The following MROH1 variants were observed in gnomAD, a reference collection of about 807,000 sequenced individuals.
The protein encoded by MROH1 is maestro heat-like repeat-containing protein family member 1.
Under a neutral mutation model 116.5 loss-of-function variants are expected in MROH1, and 117 were observed. The observed-to-expected ratio is 1.00, with a 90% confidence interval of 0.86 to 1.17. MROH1 has a LOEUF of 1.17. Ranked by LOEUF, MROH1 falls within the 50% of genes most tolerant of loss-of-function variation. The pLI is 0.00. For missense variants in MROH1, 1,873 were observed against 1,338.5 expected (o/e 1.40, Z -6.23); for synonymous variants, 921 against 583.9 (o/e 1.58, Z -8.32).
chr8:144,175,399 C>A, intron 4 of MROH1: 1 of 738,408 alleles, frequency 1.4e-6, no homozygotes, highest in Non-Finnish European at 1.7e-6. Context: ...TGCCCACTTG[C>A]TGTACCCAAG....
chr8:144,218,487 CAT>C (rs1435083129), intron 12 of MROH1, among the ~76,000 whole-genome samples: 1 of 151,780 alleles, frequency 6.6e-6, no homozygotes, highest in Non-Finnish European at 1.5e-5. Flanking sequence ...TTTTTTTTCA[CAT>C]CTTTCGTCTT....
At position 144,247,379 on chromosome 8, in the gene MROH1, C is replaced by G. The variant is rs1334009564; in HGVS notation, c.2950C>G (p.Arg984Gly). The G allele has an allele frequency of 1.3e-6, 1 of 771,206 alleles. No individual in the cohort carries two copies. Among genetic ancestry groups the G allele is most frequent in the Non-Finnish European group, 2.4e-6 (1 of 414,026 alleles). The allele number at this position is 771,206 out of a possible 1,614,324, so 47.8% of individuals were successfully genotyped here. The change falls in exon 30 of 44, where the codon CGC becomes GGC. Residue 984 changes from arginine to glycine, a missense_variant. Coordinates refer to ENST00000326134, the MANE Select transcript of MROH1 (RefSeq NM_032450.3). ...PRCADLWPATRQEAVDCVYSL... is the reference protein window; with the variant it reads ...PRCADLWPATGQEAVDCVYSL... Reference sequence around the variant, plus strand: ...GTGTGCGGACCTGTGGCCTGCCACCCGCCAGGAGGCCGTGGACTGTGTCTA... The same window carrying G: ...GTGTGCGGACCTGTGGCCTGCCACCGGCCAGGAGGCCGTGGACTGTGTCTA...
chr8:144,229,107 A>G (rs958929768), intron 14 of MROH1, among the ~76,000 whole-genome samples: 11 of 152,138 alleles, frequency 7.2e-5, no homozygotes, highest in African/African-American at 2.4e-4. Context: ...TTCAGGCTCC[A>G]TTTCCAATTC....
At chr8:144,260,454 C>T (rs1844818088) in intron 39 of MROH1, 80 bp downstream of exon 39, 1 of 698,366 alleles carries the variant, frequency 1.4e-6, no homozygotes, top group Non-Finnish European at 2.6e-6. Flanking sequence ...CCCAGCCCCA[C>T]CCTCCTCCCT....
At chr8:144,220,987 T>C (rs764969835) in intron 13 of MROH1, among the ~76,000 whole-genome samples, 1 of 152,146 alleles carries the variant, frequency 6.6e-6, no homozygotes, top group Non-Finnish European at 1.5e-5. Context: ...CTCGCGGTGA[T>C]TGCAGCAAAA....
At chr8:144,166,016 C>CA in intron 3 of MROH1, among the ~76,000 whole-genome samples, 1 of 152,120 alleles carries the variant, frequency 6.6e-6, no homozygotes, top group South Asian at 2.1e-4. Flanking sequence ...GTAGCTGGGA[C>CA]TATAGGTACC....
At chr8:144,256,307 A>G (rs2129688879) in intron 35 of MROH1, among the ~76,000 whole-genome samples, 1 of 152,134 alleles carries the variant, frequency 6.6e-6, no homozygotes, top group East Asian at 1.9e-4. Flanking sequence ...GCACCTGCCC[A>G]GGAGGGCTCT....
chr8:144,252,766 G>A (rs1427956548), intron 33 of MROH1: 3 of 150,968 alleles, frequency 2.0e-5, no homozygotes, highest in Non-Finnish European at 4.4e-5. Context: ...AGACCAGCCT[G>A]ACCAACGTGG....
In MROH1 at chr8:144,151,530, C is replaced by T. The variant is rs1029608293; in HGVS notation, c.-177+3454C>T. ...ATCTCCTTTCTGGCTCCCCCATTGGCTGAGAGCTGCTTCCACTCAATAGAA... is the reference window on the plus strand; with the variant it reads ...ATCTCCTTTCTGGCTCCCCCATTGGTTGAGAGCTGCTTCCACTCAATAGAA... On this transcript the variant is annotated intron_variant, in intron 1 of 43. Transcript: ENST00000326134. 3.5e-3 allele frequency among the ~76,000 whole-genome samples: 535 copies of T among 152,310 alleles called. 2 individuals are homozygous for T. The highest frequency in any genetic ancestry group is 6.9e-3 in the Admixed American group (105 of 15,294).
chr8:144,166,962 G>A (rs961551081), intron 3 of MROH1, among the ~76,000 whole-genome samples: 3 of 152,164 alleles, frequency 2.0e-5, no homozygotes, highest in Non-Finnish European at 4.4e-5. Context: ...TCTAACTACT[G>A]GACTTTGGAA....
chr8:144,202,187 C>T (rs1831323510), intron 12 of MROH1, among the ~76,000 whole-genome samples: 1 of 151,746 alleles, frequency 6.6e-6, no homozygotes, highest in African/African-American at 2.4e-5. Context: ...TGGGCGTGCC[C>T]AGATTTCAGA....
intron 12 of MROH1, chr8:144,212,912 C>A (rs570234422): frequency 2.8e-6 from 2 of 707,690 alleles, no homozygotes; most frequent in African/African-American, 3.4e-5. Flanking sequence ...ACGTCTCTAT[C>A]TCTGTTCTCA....
chr8:144,195,268 A>G (rs71520560), intron 10 of MROH1, among the ~76,000 whole-genome samples: 3 of 145,704 alleles, frequency 2.1e-5, no homozygotes, highest in South Asian at 2.2e-4. Flanking sequence ...TTGGGAGGCC[A>G]AGGCAGGCAG....
At chr8:144,229,045 C>T (rs1838326419) in intron 14 of MROH1, among the ~76,000 whole-genome samples, 1 of 152,222 alleles carries the variant, frequency 6.6e-6, no homozygotes, top group Admixed American at 6.5e-5. Context: ...AAAAGAAACA[C>T]TACCTCATCC....
At chr8:144,244,686 AC>A in intron 28 of MROH1, 147 bp downstream of exon 28, 1 of 660,834 alleles carries the variant, frequency 1.5e-6, no homozygotes, top group Non-Finnish European at 2.8e-6. Flanking sequence ...AGGCAGGTGC[AC>A]CCCCTCCCAT....
At chr8:144,192,624 T>G (rs1440452297) in intron 10 of MROH1, 7 of 691,840 alleles carry the variant, frequency 1.0e-5, no homozygotes, top group African/African-American at 1.8e-5. Context: ...GCCCCCAGGA[T>G]GGAGGTGGCA....
At chr8:144,246,766 G>T (rs1841990002) in intron 29 of MROH1, among the ~76,000 whole-genome samples, 1 of 152,218 alleles carries the variant, frequency 6.6e-6, no homozygotes, top group Admixed American at 6.5e-5. Context: ...GGTGGTGGGA[G>T]GGGGACAGGT....
At chr8:144,209,240 C>G (rs1361943585) in intron 12 of MROH1, among the ~76,000 whole-genome samples, 1 of 151,974 alleles carries the variant, frequency 6.6e-6, no homozygotes, top group Non-Finnish European at 1.5e-5. Flanking sequence ...TAGAGGATGT[C>G]CTTCAACTTT....
chr8:144,243,466 C>T (rs963580584), intron 24 of MROH1, 28 bp from the exon 25 acceptor site: 5 of 777,612 alleles, frequency 6.4e-6, no homozygotes, highest in South Asian at 2.7e-5. Flanking sequence ...CGGGCGTGGG[C>T]GTCTCCTGTA....
Sources: gnomAD v4.1 joint callset for allele counts (sites outside exome capture counted in the v4.1 genomes callset) on GRCh38, gnomAD v4.1.1 for gene constraint, MANE v1.5 for transcripts, NCBI Gene and HGNC (gene_info 2026-07-23, HGNC 2026-07-21) for gene names.